The following MRTFA variants were observed in gnomAD, a reference collection of about 807,000 sequenced individuals.
MRTFA encodes the protein myocardin-related transcription factor A.
In MRTFA, 20 loss-of-function variants were observed where a neutral mutation model predicts 83.5. The ratio of observed to expected loss-of-function variants is 0.24; its 90% CI spans 0.17 to 0.35. MRTFA has a LOEUF of 0.35. Among genes scored for constraint, MRTFA ranks in the 10% least tolerant of loss-of-function variants. MRTFA has a pLI of 1.00. For missense variants in MRTFA, 1,200 were observed against 1,224.7 expected (o/e 0.98, Z 0.30); for synonymous variants, 659 against 541.2 (o/e 1.22, Z -3.02).
chr22:40,633,354 C>T (rs151248378), intron 1 of MRTFA, among the ~76,000 whole-genome samples: 1 of 152,286 alleles, frequency 6.6e-6, no homozygotes, highest in African/African-American at 2.4e-5. Flanking sequence ...ATATCCTCAC[C>T]CCTGGGGAGC....
chr22:40,443,374 T>A (rs1412341226), intron 4 of MRTFA, among the ~76,000 whole-genome samples: 4 of 152,090 alleles, frequency 2.6e-5, no homozygotes, highest in Non-Finnish European at 5.9e-5. Flanking sequence ...ACTCTGAACA[T>A]TCTATATGAA....
At chr22:40,516,407 G>A (rs971332336) in intron 3 of MRTFA, among the ~76,000 whole-genome samples, 36 of 128,488 alleles carry the variant, frequency 2.8e-4, no homozygotes, top group Non-Finnish European at 4.4e-4. Flanking sequence ...GACACAGAGC[G>A]AGGGACTGCC....
At chr22:40,626,445 G>A (rs937860535) in intron 1 of MRTFA, among the ~76,000 whole-genome samples, 5 of 152,008 alleles carry the variant, frequency 3.3e-5, no homozygotes, top group Non-Finnish European at 7.4e-5. Context: ...GGTGCACAGC[G>A]CCGCGCCCGG....
At chr22:40,499,730 G>T (rs2054423406) in intron 3 of MRTFA, among the ~76,000 whole-genome samples, 1 of 151,936 alleles carries the variant, frequency 6.6e-6, no homozygotes. Flanking sequence ...TAAAGATTTT[G>T]AAGGCATACA....
At chr22:40,500,238 ATT>A (rs921496252) in intron 3 of MRTFA, among the ~76,000 whole-genome samples, 2 of 141,026 alleles carry the variant, frequency 1.4e-5, no homozygotes, top group Non-Finnish European at 3.1e-5. Context: ...CCAGTCTATG[ATT>A]TTTTTTTTTT....
intron 3 of MRTFA, among the ~76,000 whole-genome samples, chr22:40,474,310 G>A (rs1309493689): frequency 6.6e-6 from 1 of 152,134 alleles, no homozygotes; most frequent in East Asian, 1.9e-4. Flanking sequence ...GGATATGAGA[G>A]AGCCCTGAAC....
intron 5 of MRTFA, 31 bp downstream of exon 5, chr22:40,435,468 G>C: frequency 6.2e-7 from 1 of 1,610,474 alleles, no homozygotes; most frequent in Non-Finnish European, 8.5e-7. Context: ...ATGCTCTTTG[G>C]GAGTTCTGAG....
intron 2 of MRTFA, among the ~76,000 whole-genome samples, chr22:40,559,108 C>T (rs1270836199): frequency 1.3e-5 from 2 of 152,086 alleles, no homozygotes; most frequent in African/African-American, 2.4e-5. Context: ...TAATGTTTCA[C>T]CCAGGCGCGA....
At chr22:40,421,377 AG>A in intron 9 of MRTFA, among the ~76,000 whole-genome samples, 1 of 152,206 alleles carries the variant, frequency 6.6e-6, no homozygotes, top group East Asian at 1.9e-4. Flanking sequence ...GACCCCAAGC[AG>A]GGTGAACACA....
At chr22:40,625,449 CTAAATAAATAAATAAATAAA>C (rs60700777) in intron 1 of MRTFA, among the ~76,000 whole-genome samples, 8 of 137,488 alleles carry the variant, frequency 5.8e-5, no homozygotes, top group Non-Finnish European at 9.4e-5. Flanking sequence ...GGCCCTCTCT[CTAAATAAATAAATAAATAAA>C]TAAATAAATA....
chr22:40,479,263 G>T (rs1283002353), intron 3 of MRTFA, among the ~76,000 whole-genome samples: 2 of 152,092 alleles, frequency 1.3e-5, no homozygotes, highest in East Asian at 3.9e-4. Context: ...CAGCTAAGGG[G>T]AGAATGCATT....
chr22:40,554,098 C>T (rs1219859247), intron 2 of MRTFA, among the ~76,000 whole-genome samples: 3 of 152,068 alleles, frequency 2.0e-5, no homozygotes, highest in African/African-American at 7.2e-5. Flanking sequence ...AATGCCTGTA[C>T]CCCCCATTGT....
In MRTFA at chr22:40,465,194, G is replaced by GT. The variant is rs2053793011; in HGVS notation, c.242-1909dup. Among the ~76,000 whole-genome samples the GT allele has an allele frequency of 3.9e-5, 6 of 152,340 alleles. No homozygotes were observed. In the South Asian group the frequency reaches 1.2e-3, roughly 32 times the overall value. On this transcript the variant is annotated intron_variant, in intron 3 of 14. Coordinates refer to ENST00000355630, the MANE Select transcript of MRTFA (RefSeq NM_020831.6). ...GGAAAAGTATAATATTTTGCCTTGT[G>GT]TAATAGTAGCCCTTGAACATCTTAC...
chr22:40,462,024 T>C (rs1211411286), intron 4 of MRTFA, among the ~76,000 whole-genome samples: 1 of 152,244 alleles, frequency 6.6e-6, no homozygotes. Flanking sequence ...TCCTGCTTTC[T>C]GAATGGCCAG....
intron 6 of MRTFA, 37 bp downstream of exon 6, chr22:40,431,368 C>A (rs912810296): frequency 5.7e-6 from 9 of 1,590,772 alleles, no homozygotes; most frequent in African/African-American, 2.7e-5. Flanking sequence ...ACAGTGAGAA[C>A]TGGATCTAGA....
At chr22:40,455,522 C>T (rs1033995002) in intron 4 of MRTFA, among the ~76,000 whole-genome samples, 9 of 151,638 alleles carry the variant, frequency 5.9e-5, no homozygotes, top group Admixed American at 3.3e-4. Context: ...GGCGGGTGCC[C>T]GTAGTCCCAG....
In MRTFA at chr22:40,471,004, A is replaced by T. The variant is rs2053901177; in HGVS notation, c.242-7718T>A. 2.0e-5 allele frequency among the ~76,000 whole-genome samples: 3 copies of T among 152,166 alleles called. No homozygotes were observed. The South Asian group carries it at 6.2e-4, about 32-fold the overall frequency. On this transcript the variant is annotated intron_variant, in intron 3 of 14. Transcript: ENST00000355630. ...AACAGAGAAAATCAATAGTCATAAA[A>T]GTTTGTTGTTTGAAAAGAACAAAAT...
At chr22:40,610,932 CTTTTTTT>C (rs746175814) in intron 1 of MRTFA, among the ~76,000 whole-genome samples, 9 of 108,338 alleles carry the variant, frequency 8.3e-5, no homozygotes, top group East Asian at 2.7e-4. Flanking sequence ...TTTTCTTTTA[CTTTTTTT>C]TTTTTTTTTT....
chr22:40,483,684 AT>A (rs2054129307), intron 3 of MRTFA, among the ~76,000 whole-genome samples: 1 of 151,038 alleles, frequency 6.6e-6, no homozygotes, highest in African/African-American at 2.4e-5. Flanking sequence ...GACTGTCTCA[AT>A]AAAAAAAAAA....
Sources: gnomAD v4.1 joint callset for allele counts (sites outside exome capture counted in the v4.1 genomes callset) on GRCh38, gnomAD v4.1.1 for gene constraint, MANE v1.5 for transcripts, NCBI Gene and HGNC (gene_info 2026-07-23, HGNC 2026-07-21) for gene names.